The following MCF2 variants were observed in gnomAD, a reference collection of about 807,000 sequenced individuals.
The protein encoded by MCF2 is MCF.2 cell line derived transforming sequence, also known as proto-oncogene DBL.
MCF2 carries 44 observed loss-of-function variants against 82.5 expected under a neutral mutation model. The ratio of observed to expected loss-of-function variants is 0.53; its 90% confidence interval spans 0.42 to 0.69. The LOEUF (loss-of-function observed/expected upper bound fraction) is 0.69, where lower values mean the gene tolerates loss of function less well. Among genes scored for constraint, MCF2 ranks in the 30% least tolerant of loss-of-function variants. The pLI, the probability that MCF2 is intolerant of heterozygous loss-of-function variation, is 0.00. For synonymous variants in MCF2, 217 were observed against 224.9 expected (o/e 0.96, Z 0.32); for missense variants, 623 against 663.1 (o/e 0.94, Z 0.66).
chrX:139,658,975 G>T (rs1452025365), intron 1 of MCF2, among the ~76,000 whole-genome samples: 1 of 111,281 alleles, frequency 9.0e-6, no homozygotes, highest in East Asian at 2.8e-4. Context: ...GAACCACCAG[G>T]CCCGGTCAAA....
Position 139,620,225 on chromosome X carries a change from T to C in MCF2, c.688-519A>G, listed in dbSNP as rs770135641. Among the ~76,000 whole-genome samples the C allele has an allele frequency of 1.0e-4, 11 of 109,841 alleles. No individual in the cohort carries two copies. The East Asian group carries it at 3.2e-3, about 31-fold the overall frequency. On this transcript the variant is annotated intron_variant, in intron 6 of 24. Transcript: ENST00000370576. ...AAGAAACCAGGGCTCCTCAAGGAAA[T>C]AACTGATTCCAGGGTTGAGGCAGAA...
At chrX:139,604,107 C>G (rs1930781948) in intron 15 of MCF2, among the ~76,000 whole-genome samples, 1 of 110,304 alleles carries the variant, frequency 9.1e-6, no homozygotes, top group African/African-American at 3.3e-5. Context: ...GATCACTAAC[C>G]TGGGAAGTCA....
intron 1 of MCF2, among the ~76,000 whole-genome samples, chrX:139,671,922 G>A (rs760801058): frequency 4.5e-5 from 5 of 111,560 alleles, no homozygotes; most frequent in Admixed American, 9.5e-5. Flanking sequence ...CCATTTTCGC[G>A]ATACTGATTC....
chrX:139,632,427 C>T (rs1932973383), exon 2 of MCF2: 2 of 1,202,365 alleles, frequency 1.7e-6, no homozygotes, highest in Non-Finnish European at 2.2e-6. Flanking sequence ...AAAACCAAAA[C>T]CAAGTGCAAG....
intron 23 of MCF2, among the ~76,000 whole-genome samples, chrX:139,586,044 A>G (rs1928925364): frequency 1.8e-5 from 2 of 111,652 alleles, no homozygotes; most frequent in African/African-American, 6.5e-5. Context: ...CCATGCATCA[A>G]AATCACAGAG....
intron 1 of MCF2, among the ~76,000 whole-genome samples, chrX:139,656,040 GT>G (rs199661529): frequency 2.7e-5 from 3 of 110,284 alleles, no homozygotes; most frequent in East Asian, 2.9e-4. Flanking sequence ...AGTAAATGCT[GT>G]TTTTTTTTGT....
intron 20 of MCF2, 126 bp from the exon 25 acceptor site, chrX:139,588,564 A>G (rs1467111809): frequency 9.9e-6 from 4 of 403,629 alleles, no homozygotes; most frequent in South Asian, 6.2e-5. Flanking sequence ...CCATACTCAA[A>G]TCTTAACCGT....
intron 2 of MCF2, among the ~76,000 whole-genome samples, chrX:139,649,684 A>G (rs1307486331): frequency 1.8e-5 from 2 of 111,931 alleles, no homozygotes; most frequent in Admixed American, 1.9e-4. Context: ...TACATTCCAA[A>G]TCAGGAAGTT....
chrX:139,696,131 T>C (rs1175901751), intron 1 of MCF2, among the ~76,000 whole-genome samples: 1 of 111,396 alleles, frequency 9.0e-6, no homozygotes, highest in Non-Finnish European at 1.9e-5. Flanking sequence ...TTGGATGAAG[T>C]CTAAGGATAA....
At chrX:139,683,610 T>C (rs1212546527) in intron 1 of MCF2, among the ~76,000 whole-genome samples, 2 of 112,606 alleles carry the variant, frequency 1.8e-5, no homozygotes, top group Non-Finnish European at 3.7e-5. Context: ...GTAATAAAGA[T>C]AGGTATTATG....
At chrX:139,694,127 T>A (rs776235649) in intron 1 of MCF2, among the ~76,000 whole-genome samples, 5 of 111,710 alleles carry the variant, frequency 4.5e-5, no homozygotes, top group Non-Finnish European at 9.4e-5. Flanking sequence ...CTTTTTACAG[T>A]GAGCAACTGT....
chrX:139,641,815 T>C (rs1329481574), intron 1 of MCF2, among the ~76,000 whole-genome samples: 3 of 111,486 alleles, frequency 2.7e-5, no homozygotes, highest in Non-Finnish European at 5.7e-5. Flanking sequence ...AGGGAAAATT[T>C]AGGCAAAAGA....
In MCF2 at chrX:139,700,543, C is replaced by A. The variant is rs572859266; in HGVS notation, c.-45+7563G>T. ...TCACCGCCACTGCCCATATTCAGAC[C>A]AAGCCATGGATCCAGGGACCTTGGG... On this transcript the variant is annotated intron_variant, in intron 1 of 27. Transcript: ENST00000414978. 7.0e-4 allele frequency among the ~76,000 whole-genome samples: 78 copies of A among 111,917 alleles called. No individual in the cohort carries two copies. In the South Asian group the frequency reaches 0.027, roughly 39 times the overall value.
intron 1 of MCF2, among the ~76,000 whole-genome samples, chrX:139,634,663 G>A (rs1933100531): frequency 9.0e-6 from 1 of 111,679 alleles, no homozygotes; most frequent in African/African-American, 3.3e-5. Flanking sequence ...ATTCCCCCAG[G>A]AGGCCATGAC....
chrX:139,603,764 C>T (rs12838167), intron 15 of MCF2, among the ~76,000 whole-genome samples: 5,532 of 108,396 alleles, frequency 0.051, 147 homozygotes, highest in Non-Finnish European at 0.078. Flanking sequence ...GAACCCGGGA[C>T]GTGGAGGTTG....
At chrX:139,600,772 G>T (rs1930488703) in intron 16 of MCF2, among the ~76,000 whole-genome samples, 1 of 111,690 alleles carries the variant, frequency 9.0e-6, no homozygotes, top group South Asian at 3.7e-4. Context: ...GAGCTTTTTA[G>T]TGTTTACTCC....
chrX:139,689,424 C>A (rs1935204478), intron 1 of MCF2, among the ~76,000 whole-genome samples: 1 of 111,057 alleles, frequency 9.0e-6, no homozygotes. Context: ...ACAACCTGTT[C>A]AATCATATGC....
chrX:139,696,391 C>T (rs1207359365), intron 1 of MCF2, among the ~76,000 whole-genome samples: 1 of 105,106 alleles, frequency 9.5e-6, no homozygotes, highest in Non-Finnish European at 2.0e-5. Context: ...CTTCTCATCT[C>T]GTCTCCTCTT....
chrX:139,692,125 T>G lies in MCF2; in HGVS notation c.-45+15981A>C, dbSNP rs938491305. ...GGCGCCGAAGCGGCAGCTTGGGGCATGTGCCTGGCCGCCCGCCTTGGCGAA... is the reference window on the plus strand; with the variant it reads ...GGCGCCGAAGCGGCAGCTTGGGGCAGGTGCCTGGCCGCCCGCCTTGGCGAA... On this transcript the variant is annotated intron_variant, in intron 1 of 27. Transcript: ENST00000414978. The G allele has an allele frequency of 1.4e-5, 16 of 1,153,625 alleles. No individual in the cohort carries two copies. In the African/African-American group the frequency reaches 2.7e-4, roughly 19 times the overall value.
Sources: allele counts gnomAD v4.1 joint callset (sites outside exome capture counted in the v4.1 genomes callset), GRCh38; gene constraint gnomAD v4.1.1; transcripts MANE v1.5; gene names NCBI Gene and HGNC (gene_info 2026-07-23, HGNC 2026-07-21).